Variants in OPA1 observed in about 807,000 individuals in gnomAD.
OPA1 encodes the protein OPA1 mitochondrial dynamin like GTPase.
OPA1 carries 59 observed loss-of-function variants against 152.9 expected under a neutral mutation model. The ratio of observed to expected loss-of-function variants is 0.39; its 90% confidence interval spans 0.31 to 0.48. OPA1 has a LOEUF of 0.48. Among genes scored for constraint, OPA1 ranks in the 20% least tolerant of loss-of-function variants. The probability of loss-of-function intolerance (pLI) is 0.96; values close to 1 mark genes in which losing one functional copy is unlikely to be tolerated. For synonymous variants in OPA1, 400 were observed against 389.9 expected (o/e 1.03, Z -0.31); for missense variants, 1,008 against 1,216.8 (o/e 0.83, Z 2.55).
rs529845005 is a variant in OPA1, at chr3:193,618,498, A to G, written c.611-371A>G. ...GCCCCCCACCCCCAAAAAAAAAAAG[A>G]AAAGAAAAAAAAATTGTTTTCCTGC... On this transcript the variant is annotated intron_variant, in intron 5 of 30. Coordinates refer to ENST00000361510, the MANE Select transcript of OPA1 (RefSeq NM_130837.3). The G allele has an allele frequency of 2.4e-5, 5 of 204,950 alleles. No homozygotes were observed. The South Asian group carries it at 3.0e-4, about 12-fold the overall frequency. The allele number at this position is 204,950 out of a possible 1,614,324, so 12.7% of individuals were successfully genotyped here. A position where few individuals can be genotyped will look rare whatever the true frequency, so the allele number is the denominator to read the frequency against.
At chr3:193,656,689 T>TA (rs1285567192) in intron 22 of OPA1, among the ~76,000 whole-genome samples, 1 of 152,158 alleles carries the variant, frequency 6.6e-6, no homozygotes, top group Non-Finnish European at 1.5e-5. Context: ...ATACATACCT[T>TA]ATCTTGAAGA....
chr3:193,620,162 G>T (rs190280103), intron 6 of OPA1, among the ~76,000 whole-genome samples: 2 of 152,336 alleles, frequency 1.3e-5, no homozygotes, highest in East Asian at 3.9e-4. Context: ...TTACTGTGGA[G>T]AGAAGAGCTA....
chr3:193,593,930 G>A (rs990245691), intron 1 of OPA1, among the ~76,000 whole-genome samples: 3 of 152,148 alleles, frequency 2.0e-5, no homozygotes, highest in East Asian at 1.9e-4. Flanking sequence ...GCTGATAGAA[G>A]TCAGAACTAG....
intron 7 of OPA1, 63 bp downstream of exon 7, chr3:193,626,265 C>A: frequency 1.8e-6 from 2 of 1,117,638 alleles, no homozygotes; most frequent in South Asian, 1.2e-5. Flanking sequence ...CTGCCAAGAT[C>A]ATGTCACCTC....
At chr3:193,688,047 T>C (rs1721146543) in intron 29 of OPA1, among the ~76,000 whole-genome samples, 1 of 152,208 alleles carries the variant, frequency 6.6e-6, no homozygotes, top group South Asian at 2.1e-4. Flanking sequence ...TCTTGCCTCC[T>C]GTTCCCAGGC....
intron 29 of OPA1, among the ~76,000 whole-genome samples, chr3:193,689,705 G>A (rs1345387136): frequency 2.6e-5 from 4 of 152,034 alleles, no homozygotes; most frequent in African/African-American, 9.7e-5. Flanking sequence ...GTCACCAGTA[G>A]GCCAAAAGAA....
intron 6 of OPA1, among the ~76,000 whole-genome samples, chr3:193,622,876 A>G (rs1730401998): frequency 6.6e-6 from 1 of 152,194 alleles, no homozygotes; most frequent in African/African-American, 2.4e-5. Context: ...GGTTGATGCC[A>G]ACAAAATTTT....
chr3:193,654,796 A>T, intron 21 of OPA1, 66 bp from the exon 22 acceptor site: 1 of 1,486,864 alleles, frequency 6.7e-7, no homozygotes, highest in Non-Finnish European at 9.3e-7. Flanking sequence ...ATGATACTTC[A>T]GTCAAGCTGT....
intron 29 of OPA1, among the ~76,000 whole-genome samples, chr3:193,681,403 T>C (rs184794384): frequency 6.6e-6 from 1 of 152,194 alleles, no homozygotes; most frequent in Non-Finnish European, 1.5e-5. Context: ...CTTACATATA[T>C]CCTACGCAAA....
intron 9 of OPA1, among the ~76,000 whole-genome samples, chr3:193,635,906 ACTTT>A (rs1381349120): frequency 6.6e-6 from 1 of 152,192 alleles, no homozygotes; most frequent in Non-Finnish European, 1.5e-5. Context: ...TGATTAGACC[ACTTT>A]CTTCAGTTTT....
rs1449262464 is a variant in OPA1, at chr3:193,637,397, A to C, written c.1035+116A>C. ...ACATATATACATACTAGATGTAGGC[A>C]TTTATATTTTTTATGTAATCTTACA... On this transcript the variant is annotated intron_variant, in intron 10 of 30. Coordinates refer to ENST00000361510, the MANE Select transcript of OPA1 (RefSeq NM_130837.3). 5.4e-6 allele frequency: 3 copies of C among 557,040 alleles called. No homozygotes were observed. The Admixed American group carries it at 8.6e-5, about 16-fold the overall frequency. 34.5% of individuals were successfully genotyped at this position (557,040 alleles called of 1,614,324 possible). A position where few individuals can be genotyped will look rare whatever the true frequency, so the allele number is the denominator to read the frequency against.
chr3:193,694,807 A>G lies in OPA1; in HGVS notation c.*207A>G, dbSNP rs187065285. 5 of 152,206 alleles carry G rather than the reference A, an allele frequency of 3.3e-5. No homozygotes were observed. The highest frequency in any genetic ancestry group is 1.2e-4 in the African/African-American group (5 of 41,460). The allele number at this position is 152,206 out of a possible 1,614,324, so 9.4% of individuals were successfully genotyped here. A position where few individuals can be genotyped will look rare whatever the true frequency, so the allele number is the denominator to read the frequency against. ...AACAGTGGTAATGGATTAACATCCT[A>G]TTTTGTTGTACTAAAGTGACAAATC... On this transcript the variant is annotated 3_prime_UTR_variant, in exon 31 of 31. Coordinates refer to ENST00000361510, the MANE Select transcript of OPA1 (RefSeq NM_130837.3).
At chr3:193,607,921 T>G (rs1727547288) in intron 1 of OPA1, among the ~76,000 whole-genome samples, 1 of 152,334 alleles carries the variant, frequency 6.6e-6, no homozygotes, top group Admixed American at 6.5e-5. Flanking sequence ...TTTGTTTGTA[T>G]CCTCTTTTAT....
intron 1 of OPA1, among the ~76,000 whole-genome samples, chr3:193,606,263 T>TA (rs869031943): frequency 6.6e-6 from 1 of 152,144 alleles, no homozygotes; most frequent in Middle Eastern, 3.2e-3. Context: ...AAGTGTGACT[T>TA]AAAAAAATTT....
rs1664559407 is a variant in OPA1, at chr3:193,631,738, A to G, written c.843+73A>G. The stretch of plus-strand genomic sequence containing the variant: ...CGAATGTAACTTTGGTGATATGGAC[A>G]TTTATTTTTTCAACAGAGCAAAATT... On this transcript the variant is annotated intron_variant, in intron 8 of 30. Transcript: ENST00000361510. 5 of 1,350,940 alleles carry G rather than the reference A, an allele frequency of 3.7e-6. 1 individual carries two copies. Among genetic ancestry groups the G allele is most frequent in the South Asian group, 2.4e-5 (2 of 83,902 alleles). The allele number at this position is 1,350,940 out of a possible 1,614,324, so 83.7% of individuals were successfully genotyped here.
intron 9 of OPA1, among the ~76,000 whole-genome samples, chr3:193,636,848 G>A (rs932830676): frequency 8.6e-6 from 1 of 115,912 alleles, no homozygotes; most frequent in African/African-American, 3.5e-5. Context: ...TTGGTTACCT[G>A]ACCACCTTTT....
At chr3:193,679,328 A>G (rs1163493611) in intron 29 of OPA1, among the ~76,000 whole-genome samples, 1 of 152,112 alleles carries the variant, frequency 6.6e-6, no homozygotes, top group Non-Finnish European at 1.5e-5. Flanking sequence ...GGAGGGAGGG[A>G]AGAAAATGCT....
chr3:193,693,921 T>C (rs1722000250), intron 30 of OPA1, among the ~76,000 whole-genome samples: 1 of 152,204 alleles, frequency 6.6e-6, no homozygotes. Context: ...TTTACTGACC[T>C]GTGTGTGCTT....
intron 26 of OPA1, among the ~76,000 whole-genome samples, chr3:193,664,633 C>T (rs1171379155): frequency 6.6e-6 from 1 of 151,938 alleles, no homozygotes; most frequent in Non-Finnish European, 1.5e-5. Flanking sequence ...ATAGTAACAG[C>T]ATTTGTTTAA....
Sources: allele counts gnomAD v4.1 joint callset (sites outside exome capture counted in the v4.1 genomes callset), GRCh38; gene constraint gnomAD v4.1.1; transcripts MANE v1.5; gene names NCBI Gene and HGNC (gene_info 2026-07-23, HGNC 2026-07-21).